Variants in CP observed in about 807,000 individuals in gnomAD.
The protein encoded by CP is caeruloplasmin.
In CP, 64 loss-of-function variants were observed where a neutral mutation model predicts 122.4. That is an observed-to-expected ratio of 0.52 (90% CI 0.43 to 0.64). CP has a LOEUF of 0.64. Ranked by LOEUF, CP falls within the 30% of genes least tolerant of loss-of-function variation. CP has a pLI of 0.00. For synonymous variants in CP, 440 were observed against 436.4 expected, an observed-to-expected ratio of 1.01 and a Z score of -0.10; for missense variants, 1,167 against 1,284.4, an observed-to-expected ratio of 0.91 and a Z score of 1.40.
At chr3:149,163,817 T>G (rs1264022632) in intron 5 of CP, 1 of 1,234,688 alleles carries the variant, frequency 8.1e-7, no homozygotes, top group Admixed American at 1.7e-5. Flanking sequence ...ATATTTTGTT[T>G]ATGAGAAATT....
intron 5 of CP, among the ~76,000 whole-genome samples, chr3:149,163,364 C>T (rs890537698): frequency 6.6e-6 from 1 of 152,262 alleles, no homozygotes; most frequent in Admixed American, 6.5e-5. Context: ...CTCTTTCTAC[C>T]CTTCTTGCTA....
intron 15 of CP, 137 bp downstream of exon 15, chr3:149,179,419 G>C: frequency 2.8e-6 from 2 of 713,646 alleles, no homozygotes; most frequent in Non-Finnish European, 5.0e-6. Flanking sequence ...CAGCATAGTT[G>C]CTAAAGTAGA....
chr3:149,216,717 T>C (rs527744300), intron 1 of CP, among the ~76,000 whole-genome samples: 4 of 152,314 alleles, frequency 2.6e-5, no homozygotes, highest in Non-Finnish European at 4.4e-5. Flanking sequence ...CCAGCCTTCC[T>C]CCACTGGCGC....
At chr3:149,207,802 A>T (rs546985759) in intron 4 of CP, among the ~76,000 whole-genome samples, 185 bp from the exon 5 acceptor site, 115 of 152,298 alleles carry the variant, frequency 7.6e-4, no homozygotes, top group African/African-American at 2.7e-3. Flanking sequence ...TTGGAACTGA[A>T]TTCAGCCTGA....
At position 149,212,593 on chromosome 3, in the gene CP, T is replaced by A. The variant is rs757449784; in HGVS notation, c.252A>T (p.Ile84=). The part of the protein sequence containing the change: ...QYTDETFRTT[I]EKPVWLGFLG... ...AAAACCCAAGCCAGACCGGTTTTTC[T>A]ATAGTTGTCCTAAAGGTTTCATCTG... The change falls in exon 2 of 19, where the codon ATA becomes ATT. Residue 84 remains isoleucine, a synonymous_variant. Transcript: ENST00000264613. 1 of 1,614,086 alleles carries A rather than the reference T, an allele frequency of 6.2e-7. No homozygotes were observed. Among genetic ancestry groups the A allele is most frequent in the Non-Finnish European group, 8.5e-7 (1 of 1,179,994 alleles).
At chr3:149,218,364 G>A (rs1354490931) in intron 1 of CP, among the ~76,000 whole-genome samples, 2 of 152,148 alleles carry the variant, frequency 1.3e-5, no homozygotes, top group Non-Finnish European at 2.9e-5. Context: ...ACTACTTACT[G>A]ATGTGTTGAA....
chr3:149,214,116 G>T (rs1728297118), intron 1 of CP, among the ~76,000 whole-genome samples: 1 of 152,168 alleles, frequency 6.6e-6, no homozygotes, highest in Non-Finnish European at 1.5e-5. Flanking sequence ...AGGCTCTAAG[G>T]TTGAAGATTA....
At chr3:149,162,574 C>T in exon 6 of CP, 1 of 1,189,366 alleles carries the variant, frequency 8.4e-7, no homozygotes, top group Non-Finnish European at 1.3e-6. Flanking sequence ...GGCGCTAATG[C>T]TAATGGTAAA....
chr3:149,221,489 A>C (rs1728804155), intron 1 of CP, among the ~76,000 whole-genome samples, 158 bp downstream of exon 1: 1 of 152,208 alleles, frequency 6.6e-6, no homozygotes, highest in Non-Finnish European at 1.5e-5. Flanking sequence ...AAAAATATAC[A>C]GGAATATAAA....
chr3:149,195,427 C>T (rs912093845), intron 9 of CP, among the ~76,000 whole-genome samples: 1 of 152,116 alleles, frequency 6.6e-6, no homozygotes, highest in African/African-American at 2.4e-5. Context: ...TAGAAACAAC[C>T]CAAACACTTG....
intron 13 of CP, among the ~76,000 whole-genome samples, chr3:149,183,024 C>G (rs1452856476): frequency 6.6e-6 from 1 of 151,964 alleles, no homozygotes; most frequent in Non-Finnish European, 1.5e-5. Flanking sequence ...GGTGGCCCAT[C>G]CCTGTAGTCC....
At chr3:149,181,114 C>T (rs978005704) in intron 14 of CP, among the ~76,000 whole-genome samples, 2 of 152,162 alleles carry the variant, frequency 1.3e-5, no homozygotes, top group African/African-American at 2.4e-5. Context: ...ACATCACCAA[C>T]AGCCCCTTAA....
Position 149,212,523 on chromosome 3 carries a change from G to A in CP, c.322C>T (p.His108Tyr), listed in dbSNP as rs34386552. Residue 108 changes from histidine (H) to tyrosine (Y), a missense_variant, in exon 2 of 19, where the codon CAC becomes TAC. Transcript: ENST00000264613. ...GGCCTAGAGGCAAGGTTTTTTAAGT[G>A]TACATAAACTTTATCTCCAGTTTCA... ...KAETGDKVYVHLKNLASRPYT... is the reference protein window; with the variant it reads ...KAETGDKVYVYLKNLASRPYT... The A allele has an allele frequency of 4.3e-4, 686 of 1,613,870 alleles. 3 individuals carry two copies. In the African/African-American group the frequency reaches 8.1e-3, roughly 19 times the overall value.
chr3:149,216,140 A>C lies in CP; in HGVS notation c.147-3442T>G, dbSNP rs186144686. Among the ~76,000 whole-genome samples the C allele has an allele frequency of 3.7e-4, 56 of 152,294 alleles. No individual in the cohort carries two copies. In the East Asian group the frequency reaches 0.011, roughly 29 times the overall value. ...TGAGACATATATTTTTTATTGCTGC[A>C]TAACAAATTATCACAAAGTAGGTTA... is the stretch of plus-strand genomic sequence containing the variant. On this transcript the variant is annotated intron_variant, in intron 1 of 18. Coordinates refer to ENST00000264613, the MANE Select transcript of CP (RefSeq NM_000096.4).
chr3:149,170,898 C>T (rs907156373), downstream of CP, among the ~76,000 whole-genome samples: 23 of 151,968 alleles, frequency 1.5e-4, 1 homozygote, highest in Admixed American at 3.9e-4. Context: ...CCTTCTATTC[C>T]GGGAGAGGGC....
rs113864987 is a variant in CP, at chr3:149,210,126, T to C, written c.607+41A>G. 314 of 1,590,368 alleles carry C rather than the reference T, an allele frequency of 2.0e-4. 1 individual carries two copies. In the African/African-American group the frequency reaches 3.4e-3, roughly 17 times the overall value. ...TAAAAGACAAACTGCCCTGCCCCTG[T>C]CTTTTGGTCATATAGCATGTGCAAT... On this transcript the variant is annotated intron_variant, in intron 3 of 18. Transcript: ENST00000264613.
intron 4 of CP, among the ~76,000 whole-genome samples, chr3:149,208,077 AAAG>A (rs2108292057): frequency 6.6e-6 from 1 of 152,264 alleles, no homozygotes; most frequent in South Asian, 2.1e-4. Context: ...TATTTTGTAA[AAAG>A]TACATAAGAA....
chr3:149,207,779 G>A lies in CP; in HGVS notation c.782-162C>T, dbSNP rs36021368. Among the ~76,000 whole-genome samples the A allele has an allele frequency of 0.05, 7,577 of 152,162 alleles. 213 individuals are homozygous for A. The highest frequency in any genetic ancestry group is 0.076 in the African/African-American group (3,166 of 41,532). ...TGTCAGACATTGCTAATCAATCACAGCACTCTTTCATTTTGGAACTGAATT... is the reference window on the plus strand; with the variant it reads ...TGTCAGACATTGCTAATCAATCACAACACTCTTTCATTTTGGAACTGAATT... On this transcript the variant is annotated intron_variant, in intron 4 of 18. Coordinates refer to ENST00000264613, the MANE Select transcript of CP (RefSeq NM_000096.4).
chr3:149,168,505 G>C (rs763100834), downstream of CP: 13 of 158,846 alleles, frequency 8.2e-5, no homozygotes, highest in Non-Finnish European at 1.4e-4. Context: ...ATACTGCTGT[G>C]TGTTAATATA....
Sources: gnomAD v4.1 joint callset for allele counts (sites outside exome capture counted in the v4.1 genomes callset) on GRCh38, gnomAD v4.1.1 for gene constraint, MANE v1.5 for transcripts, NCBI Gene and HGNC (gene_info 2026-07-23, HGNC 2026-07-21) for gene names.